VPS13B: variants seen among roughly 807,000 people sequenced by gnomAD.
VPS13B encodes the protein vacuolar protein sorting 13 homolog B, also known as intermembrane lipid transfer protein VPS13B.
A neutral mutation model predicts 426.4 loss-of-function variants in VPS13B; 285 were observed. The ratio of observed to expected loss-of-function variants is 0.67; its 90% CI spans 0.61 to 0.74. The LOEUF is 0.74. VPS13B is among the 30% of genes least tolerant of loss of function. The probability of loss-of-function intolerance (pLI) is 0.00; values close to 1 mark genes in which losing one functional copy is unlikely to be tolerated. For synonymous variants in VPS13B, 1,676 were observed against 1,676.4 expected, an observed-to-expected ratio of 1.00 and a Z score of 0.01; for missense variants, 4,537 against 4,782.6, an observed-to-expected ratio of 0.95 and a Z score of 1.51.
chr8:99,184,687 T>A (rs147649885), intron 16 of VPS13B, among the ~76,000 whole-genome samples: 179 of 152,272 alleles, frequency 1.2e-3, no homozygotes, highest in African/African-American at 4.0e-3. Flanking sequence ...ATCATTGTAA[T>A]TAAAAATATA....
intron 3 of VPS13B, among the ~76,000 whole-genome samples, chr8:99,049,055 A>G (rs1296726962): frequency 6.6e-6 from 1 of 152,090 alleles, no homozygotes; most frequent in South Asian, 2.1e-4. Context: ...GTGAGTCCTT[A>G]TGTGGTAGGT....
intron 23 of VPS13B, among the ~76,000 whole-genome samples, chr8:99,463,838 G>C (rs779546110): frequency 1.3e-5 from 2 of 151,960 alleles, no homozygotes; most frequent in African/African-American, 2.4e-5. Flanking sequence ...GATTACAGGC[G>C]TGCACCACCA....
chr8:99,736,923 G>T (rs1323707856), intron 39 of VPS13B, among the ~76,000 whole-genome samples: 2 of 151,882 alleles, frequency 1.3e-5, no homozygotes, highest in African/African-American at 4.8e-5. Context: ...TAAGCCCAGA[G>T]AGGTTAAATA....
At chr8:99,769,529 A>G (rs1045762302) in intron 40 of VPS13B, among the ~76,000 whole-genome samples, 15 of 152,214 alleles carry the variant, frequency 9.9e-5, no homozygotes, top group Non-Finnish European at 1.5e-4. Context: ...ACATCAGACT[A>G]TTGGACATTA....
chr8:99,074,083 G>A (rs1844985684), intron 3 of VPS13B, among the ~76,000 whole-genome samples: 1 of 152,076 alleles, frequency 6.6e-6, no homozygotes, highest in Non-Finnish European at 1.5e-5. Flanking sequence ...TATTTTGCCT[G>A]ATAGCTCTGG....
chr8:99,488,616 G>T (rs780772781), intron 25 of VPS13B, among the ~76,000 whole-genome samples: 1 of 152,106 alleles, frequency 6.6e-6, no homozygotes, highest in African/African-American at 2.4e-5. Flanking sequence ...GGATACTTTA[G>T]ACCAGCATTT....
Position 99,662,638 on chromosome 8 carries a change from A to T in VPS13B, c.6046+1147A>T, listed in dbSNP as rs1042934948. Reference sequence around the variant, plus strand: ...GTTTTTTTTATTTTTAGTAGAGATGAGGTCTCGCTATGTTGCCCAGGCTGG... The same window carrying T: ...GTTTTTTTTATTTTTAGTAGAGATGTGGTCTCGCTATGTTGCCCAGGCTGG... On this transcript the variant is annotated intron_variant, in intron 35 of 61. Coordinates refer to ENST00000357162, the MANE Select transcript of VPS13B (RefSeq NM_152564.5). Among the ~76,000 whole-genome samples, 23 of 151,970 alleles carry T rather than the reference A, an allele frequency of 1.5e-4. 1 individual carries two copies. The highest frequency in any genetic ancestry group is 1.4e-3 in the Admixed American group (21 of 15,240).
intron 54 of VPS13B, among the ~76,000 whole-genome samples, chr8:99,838,397 G>A (rs1815505387): frequency 1.3e-5 from 2 of 152,156 alleles, no homozygotes; most frequent in African/African-American, 4.8e-5. Flanking sequence ...TAGTGTATAG[G>A]ATTTTAATTT....
chr8:99,416,983 G>T (rs1349489221), intron 21 of VPS13B, among the ~76,000 whole-genome samples: 1 of 152,042 alleles, frequency 6.6e-6, no homozygotes, highest in Admixed American at 6.5e-5. Context: ...GCTCTTCTAG[G>T]GCAGGGATTG....
chr8:99,216,798 A>T lies in VPS13B; in HGVS notation c.2515+23741A>T, dbSNP rs900620871. Among the ~76,000 whole-genome samples the T allele has an allele frequency of 2.6e-5, 4 of 152,012 alleles. No homozygotes were observed. In the East Asian group the frequency reaches 7.7e-4, roughly 29 times the overall value. On this transcript the variant is annotated intron_variant, in intron 17 of 61. Transcript: ENST00000357162. ...TTTAAAGTCATTAAATTGTTTTTGG[A>T]TATATTGAATAAGTAAAAATGTTAA...
chr8:99,046,585 T>G (rs932621024), intron 3 of VPS13B, among the ~76,000 whole-genome samples: 6 of 152,072 alleles, frequency 3.9e-5, no homozygotes, highest in African/African-American at 1.4e-4. Context: ...CCAGTACTGT[T>G]TAAGAGGAGT....
At chr8:99,534,905 G>C (rs537538571) in intron 30 of VPS13B, among the ~76,000 whole-genome samples, 1 of 152,176 alleles carries the variant, frequency 6.6e-6, no homozygotes, top group African/African-American at 2.4e-5. Context: ...GGCTTGAACA[G>C]AATGAATGGA....
chr8:99,593,663 C>A (rs1826817296), intron 33 of VPS13B, among the ~76,000 whole-genome samples: 2 of 151,774 alleles, frequency 1.3e-5, no homozygotes. Context: ...AACCTAAATG[C>A]CCATCAGTGA....
At position 99,853,785 on chromosome 8, in the gene VPS13B, A is replaced by G; in HGVS notation, c.10396A>G (p.Asn3466Asp). ...CSKMQSLLIS[N>D]KELEEYKEKC... ...CAAAATGCAGAGTCTCCTCATATCC[A>G]ACAAAGAGTTGGAAGAATACAAGGA... is the stretch of plus-strand genomic sequence containing the variant. The change falls in exon 56 of 62, where the codon AAC becomes GAC. Residue 3466 changes from asparagine (N) to aspartate (D), a missense_variant. Around this residue, in one of 2 missense-constraint regions of VPS13B, gnomAD observed 4,311 missense variants for 4,474.3 expected, o/e 0.96. Transcript: ENST00000357162. 1 of 1,614,254 alleles carries G rather than the reference A, an allele frequency of 6.2e-7. No individual in the cohort carries two copies. The highest frequency in any genetic ancestry group is 8.5e-7 in the Non-Finnish European group (1 of 1,180,038).
intron 24 of VPS13B, among the ~76,000 whole-genome samples, chr8:99,468,096 AC>A (rs1249889548): frequency 1.3e-5 from 2 of 152,084 alleles, no homozygotes; most frequent in African/African-American, 4.8e-5. Flanking sequence ...GGCGTGCTGC[AC>A]CCGTTAACTC....
chr8:99,862,076 C>G (rs757556074), intron 58 of VPS13B, 130 bp downstream of exon 58: 9 of 1,136,686 alleles, frequency 7.9e-6, no homozygotes, highest in Non-Finnish European at 1.1e-5. Context: ...AAGGCACTTG[C>G]TCTGAGTTCT....
intron 19 of VPS13B, among the ~76,000 whole-genome samples, chr8:99,369,819 C>G (rs1259868406): frequency 6.6e-6 from 1 of 152,100 alleles, no homozygotes; most frequent in East Asian, 1.9e-4. Context: ...CTTCTCCCTC[C>G]TTTTTTGTTG....
chr8:99,270,813 T>C (rs1257491716), intron 17 of VPS13B, among the ~76,000 whole-genome samples: 3 of 151,498 alleles, frequency 2.0e-5, no homozygotes, highest in Non-Finnish European at 4.4e-5. Context: ...AAGGCTATTA[T>C]TAAGTTCTGT....
intron 19 of VPS13B, among the ~76,000 whole-genome samples, chr8:99,329,707 A>G (rs893708710): frequency 9.2e-5 from 14 of 152,074 alleles, no homozygotes; most frequent in African/African-American, 3.4e-4. Context: ...TGTTTTTCCT[A>G]CAAATATATT....
Sources: gnomAD v4.1 joint callset for allele counts (sites outside exome capture counted in the v4.1 genomes callset) on GRCh38, gnomAD v4.1.1 for gene constraint, gnomAD v4.1.1 regional missense constraint, MANE v1.5 for transcripts, NCBI Gene and HGNC (gene_info 2026-07-23, HGNC 2026-07-21) for gene names.